MAPKAPK5: variants seen among roughly 807,000 people sequenced by gnomAD.
MAPKAPK5 encodes MAP kinase-activated protein kinase 5.
Under a neutral mutation model 65.1 loss-of-function variants are expected in MAPKAPK5, and 30 were observed. The ratio of observed to expected loss-of-function variants is 0.46; its 90% CI spans 0.34 to 0.63. The LOEUF (loss-of-function observed/expected upper bound fraction) is 0.63, where lower values mean the gene tolerates loss of function less well. MAPKAPK5 is among the 20% of genes least tolerant of loss of function. The pLI is 0.01. For missense variants in MAPKAPK5, 433 were observed against 581.4 expected, an observed-to-expected ratio of 0.74 and a Z score of 2.63; for synonymous variants, 179 against 204.6, an observed-to-expected ratio of 0.87 and a Z score of 1.07.
chr12:111,884,411 A>G lies in MAPKAPK5; in HGVS notation c.848+643A>G, dbSNP rs1322855851. Among the ~76,000 whole-genome samples the G allele has an allele frequency of 3.3e-5, 5 of 152,152 alleles. No homozygotes were observed. The South Asian group carries it at 8.3e-4, about 25-fold the overall frequency. On this transcript the variant is annotated intron_variant, in intron 9 of 13. Transcript: ENST00000550735. The stretch of plus-strand genomic sequence containing the variant: ...TTTTAAGTAGAGATGGGGTTTGACC[A>G]TGTTGGCCAGGCTGGTCTCAAACTA...
At chr12:111,843,350 CTT>C in intron 1 of MAPKAPK5, 1 of 398,396 alleles carries the variant, frequency 2.5e-6, no homozygotes, top group Admixed American at 4.4e-5. Flanking sequence ...GTTCCTGTGA[CTT>C]AACTGCACTT....
intron 7 of MAPKAPK5, among the ~76,000 whole-genome samples, chr12:111,879,016 T>C (rs2070098493): frequency 6.6e-6 from 1 of 152,204 alleles, no homozygotes; most frequent in Non-Finnish European, 1.5e-5. Flanking sequence ...TGCATTTCCA[T>C]GTGAACTTTA....
rs149769728 is a variant in MAPKAPK5 at position 111,870,208 on chromosome 12, C to T, written c.394-63C>T. Reference sequence around the variant, plus strand: ...GTTTTTTGACATCCTGAGTTCTCTACGCCAGGTGTATTAAAGAGTGGTCTT... The same window carrying T: ...GTTTTTTGACATCCTGAGTTCTCTATGCCAGGTGTATTAAAGAGTGGTCTT... On this transcript the variant is annotated intron_variant, in intron 5 of 13. Coordinates refer to ENST00000550735, the MANE Select transcript of MAPKAPK5 (RefSeq NM_003668.4). 2.0e-5 allele frequency: 23 copies of T among 1,145,792 alleles called. 1 individual carries two copies. Among genetic ancestry groups the T allele is most frequent in the Middle Eastern group, 2.0e-4 (1 of 4,902 alleles). 71.0% of individuals were successfully genotyped at this position (1,145,792 alleles called of 1,614,324 possible). A position where few individuals can be genotyped will look rare whatever the true frequency, so the allele number is the denominator to read the frequency against.
chr12:111,876,408 G>T (rs1372653741), intron 7 of MAPKAPK5, among the ~76,000 whole-genome samples: 1 of 151,534 alleles, frequency 6.6e-6, no homozygotes, highest in Non-Finnish European at 1.5e-5. Context: ...AGACACTGCA[G>T]TTCACCTATA....
In MAPKAPK5 at chr12:111,899,822, T is replaced by C. The variant is rs2070961147; in HGVS notation, c.*6761T>C. The C allele has an allele frequency of 2.3e-6, 1 of 434,772 alleles. No homozygotes were observed. Among genetic ancestry groups the C allele is most frequent in the African/African-American group, 2.0e-5 (1 of 49,726 alleles). The allele number at this position is 434,772 out of a possible 1,614,324, so 26.9% of individuals were successfully genotyped here. On this transcript the variant is annotated 3_prime_UTR_variant, in exon 14 of 14. Coordinates refer to ENST00000550735, the MANE Select transcript of MAPKAPK5 (RefSeq NM_003668.4). ...TTACAGCATTGAGCCCATGGACTCT[T>C]CAAGACGGTTTGAACATGTGTTATA...
rs1036145764 is a variant in MAPKAPK5, at chr12:111,900,194, G to A, written c.*7133G>A. ...ATTTCAATCACTGGAGACAAGAGATGCTCTTCCATCGTGCAAAACACGATG... is the reference window on the plus strand; with the variant it reads ...ATTTCAATCACTGGAGACAAGAGATACTCTTCCATCGTGCAAAACACGATG... On this transcript the variant is annotated 3_prime_UTR_variant, in exon 14 of 14. Transcript: ENST00000550735. 1.8e-5 allele frequency: 8 copies of A among 455,898 alleles called. No individual in the cohort carries two copies. Among genetic ancestry groups the A allele is most frequent in the Non-Finnish European group, 3.1e-5 (7 of 226,798 alleles). The allele number at this position is 455,898 out of a possible 1,614,324, so 28.2% of individuals were successfully genotyped here.
At position 111,901,432 on chromosome 12, in the gene MAPKAPK5, C is replaced by T. The variant is rs1301202312; in HGVS notation, c.*8371C>T. ...GGAGAAGGTGAAAATCACAATATGA[C>T]TCATTCCAGACGTGAAGAACATGCT... is the stretch of plus-strand genomic sequence containing the variant. On this transcript the variant is annotated 3_prime_UTR_variant, in exon 14 of 14. Coordinates refer to ENST00000550735, the MANE Select transcript of MAPKAPK5 (RefSeq NM_003668.4). 2.2e-6 allele frequency: 1 copy of T among 455,910 alleles called. No homozygotes were observed. The highest frequency in any genetic ancestry group is 4.4e-6 in the Non-Finnish European group (1 of 226,800). 28.2% of individuals were successfully genotyped at this position (455,910 alleles called of 1,614,324 possible). A position where few individuals can be genotyped will look rare whatever the true frequency, so the allele number is the denominator to read the frequency against.
chr12:111,890,138 T>C lies in MAPKAPK5; in HGVS notation c.1315T>C (p.Trp439Arg). ...AAGAGATACTCTGCAGAGCTTCAGC[T>C]GGAATGGTAGGAGCCTTCATCAACT... ...LLRDTLQSFS[W>R]NGRGFTDKVD... The change falls in exon 13 of 14, where the codon TGG (tryptophan) becomes CGG (arginine). Residue 439 changes from tryptophan to arginine, a missense_variant. Coordinates refer to ENST00000550735, the MANE Select transcript of MAPKAPK5 (RefSeq NM_003668.4). 6.3e-7 allele frequency: 1 copy of C among 1,588,078 alleles called. No homozygotes were observed. The highest frequency in any genetic ancestry group is 1.2e-5 in the South Asian group (1 of 86,512).
chr12:111,882,732 C>T (rs1183233349), intron 8 of MAPKAPK5: 1 of 861,190 alleles, frequency 1.2e-6, no homozygotes, highest in Non-Finnish European at 1.4e-6. Flanking sequence ...TGCAAATGGA[C>T]CTAGTGAGTC....
intron 4 of MAPKAPK5, among the ~76,000 whole-genome samples, chr12:111,868,467 T>TG (rs1293069922): frequency 6.6e-6 from 1 of 151,874 alleles, no homozygotes; most frequent in Non-Finnish European, 1.5e-5. Flanking sequence ...ATCAAACAAA[T>TG]GGGAAAAAAA....
chr12:111,887,862 CCTT>C lies in MAPKAPK5; in HGVS notation c.970-622_970-620del, dbSNP rs149778488. 8,338 of 151,858 alleles carry C rather than the reference CCTT, an allele frequency of 0.055. 1,288 individuals carry two copies. In the East Asian group the frequency reaches 0.61, roughly 11 times the overall value. 9.4% of individuals were successfully genotyped at this position (151,858 alleles called of 1,614,324 possible). On this transcript the variant is annotated intron_variant, in intron 10 of 13. Coordinates refer to ENST00000550735, the MANE Select transcript of MAPKAPK5 (RefSeq NM_003668.4). ...ACACACACACACACACACATTCTGT[CCTT>C]CTTTTAAAGTACAAAAATGGAAAAA...
intron 1 of MAPKAPK5, among the ~76,000 whole-genome samples, chr12:111,861,947 G>A: frequency 6.6e-6 from 1 of 152,180 alleles, no homozygotes; most frequent in African/African-American, 2.4e-5. Context: ...TATTCCAAGT[G>A]TTTGTATCCT....
chr12:111,870,497 G>T, intron 6 of MAPKAPK5, 137 bp downstream of exon 6: 1 of 562,868 alleles, frequency 1.8e-6, no homozygotes. Flanking sequence ...TCTTCAACTC[G>T]TTCCCTTGCT....
In MAPKAPK5 at chr12:111,899,976, G is replaced by A. The variant is rs534526407; in HGVS notation, c.*6915G>A. ...CAAAAAGTACGTGGAGATGTTTGTC[G>A]TGGTCAACAACCAGCGGTTCCAGAT... On this transcript the variant is annotated 3_prime_UTR_variant, in exon 14 of 14. Transcript: ENST00000550735. The A allele has an allele frequency of 4.8e-5, 22 of 456,042 alleles. 1 individual carries two copies. Among genetic ancestry groups the A allele is most frequent in the African/African-American group, 4.0e-4 (20 of 50,184 alleles). The allele number at this position is 456,042 out of a possible 1,614,324, so 28.2% of individuals were successfully genotyped here.
intron 1 of MAPKAPK5, among the ~76,000 whole-genome samples, chr12:111,857,454 T>C (rs1379973752): frequency 6.6e-6 from 1 of 152,212 alleles, no homozygotes; most frequent in Non-Finnish European, 1.5e-5. Context: ...GGTTTCGCCA[T>C]GTTGGCCAGG....
At position 111,892,842 on chromosome 12, in the gene MAPKAPK5, G is replaced by A. The variant is rs9669378; in HGVS notation, c.1322-125G>A. On this transcript the variant is annotated intron_variant, in intron 13 of 13. Coordinates refer to ENST00000550735, the MANE Select transcript of MAPKAPK5 (RefSeq NM_003668.4). ...CTGAACTGCTTTTGATCAGTGGTGGGGGTGGTTCCCCCACTGGTGAGGGTG... is the reference window on the plus strand; with the variant it reads ...CTGAACTGCTTTTGATCAGTGGTGGAGGTGGTTCCCCCACTGGTGAGGGTG... 2.1e-3 allele frequency: 1,200 copies of A among 568,732 alleles called. 12 individuals are homozygous for A. Among genetic ancestry groups the A allele is most frequent in the African/African-American group, 0.02 (1,083 of 53,084 alleles). The allele number at this position is 568,732 out of a possible 1,614,324, so 35.2% of individuals were successfully genotyped here.
In MAPKAPK5 at chr12:111,867,807, C is replaced by G. The variant is rs2069662035; in HGVS notation, c.284+138C>G. 10 of 658,118 alleles carry G rather than the reference C, an allele frequency of 1.5e-5. No homozygotes were observed. The South Asian group carries it at 1.9e-4, about 12-fold the overall frequency. The allele number at this position is 658,118 out of a possible 1,614,324, so 40.8% of individuals were successfully genotyped here. On this transcript the variant is annotated intron_variant, in intron 4 of 13. Coordinates refer to ENST00000550735, the MANE Select transcript of MAPKAPK5 (RefSeq NM_003668.4). ...CGCTTCCTCTGCCCTTCCTTCTCCCCCTCCATCTCCCTTTTTGTAATTTGG... is the reference window on the plus strand; with the variant it reads ...CGCTTCCTCTGCCCTTCCTTCTCCCGCTCCATCTCCCTTTTTGTAATTTGG...
intron 1 of MAPKAPK5, among the ~76,000 whole-genome samples, chr12:111,855,152 T>G (rs2069194070): frequency 6.6e-6 from 1 of 152,216 alleles, no homozygotes; most frequent in African/African-American, 2.4e-5. Context: ...TAATAATTTG[T>G]GTCCTGCCCT....
rs1491273579 is a variant in MAPKAPK5, at chr12:111,894,758, TCG to T, written c.*1698_*1699del. On this transcript the variant is annotated 3_prime_UTR_variant, in exon 14 of 14. Coordinates refer to ENST00000550735, the MANE Select transcript of MAPKAPK5 (RefSeq NM_003668.4). ...ATGGGTTTCCATAACAAACCAATTT[TCG>T]TGTATATGTGTGTGTGTGTGTGTGT... The T allele has an allele frequency of 1.7e-5, 2 of 117,990 alleles. No homozygotes were observed. The highest frequency in any genetic ancestry group is 3.1e-5 in the Non-Finnish European group (2 of 63,728). The allele number at this position is 117,990 out of a possible 1,614,324, so 7.3% of individuals were successfully genotyped here.
Sources: gnomAD v4.1 joint callset for allele counts (sites outside exome capture counted in the v4.1 genomes callset) on GRCh38, gnomAD v4.1.1 for gene constraint, MANE v1.5 for transcripts, NCBI Gene and HGNC (gene_info 2026-07-23, HGNC 2026-07-21) for gene names.